Variants in SPIRE1 observed in about 807,000 individuals in gnomAD.
SPIRE1 encodes spire type actin nucleation factor 1.
SPIRE1 carries 40 observed loss-of-function variants against 94.1 expected under a neutral mutation model. That is an observed-to-expected ratio of 0.43 (90% CI 0.33 to 0.55). SPIRE1 has a LOEUF of 0.55. SPIRE1 is among the 20% of genes least tolerant of loss of function. The pLI is 0.06. For synonymous variants in SPIRE1, 376 were observed against 371.7 expected, an observed-to-expected ratio of 1.01 and a Z score of -0.13; for missense variants, 838 against 975.2, an observed-to-expected ratio of 0.86 and a Z score of 1.87.
intron 2 of SPIRE1, among the ~76,000 whole-genome samples, chr18:12,607,452 C>G (rs2037011288): frequency 1.3e-5 from 2 of 152,156 alleles, no homozygotes; most frequent in South Asian, 4.1e-4. Context: ...TCTATGCCTC[C>G]CTTGCCCTTC....
chr18:12,605,942 C>T (rs1184218705), intron 2 of SPIRE1, among the ~76,000 whole-genome samples: 2 of 152,130 alleles, frequency 1.3e-5, no homozygotes, highest in African/African-American at 4.8e-5. Context: ...CCTTCATGTT[C>T]TTGGTCCACC....
intron 12 of SPIRE1, among the ~76,000 whole-genome samples, chr18:12,456,310 A>G (rs2031504343): frequency 6.6e-6 from 1 of 152,154 alleles, no homozygotes; most frequent in South Asian, 2.1e-4. Context: ...GGAACAATAA[A>G]CGGCCTTTTT....
intron 2 of SPIRE1, among the ~76,000 whole-genome samples, chr18:12,580,426 C>T (rs888876041): frequency 6.6e-6 from 1 of 151,916 alleles, no homozygotes; most frequent in African/African-American, 2.4e-5. Flanking sequence ...CAGGTTCAAG[C>T]GATTCTCCTG....
In SPIRE1 at chr18:12,657,981, C is replaced by T. The variant is rs925200554; in HGVS notation, c.-115G>A. On this transcript the variant is annotated 5_prime_UTR_variant, in exon 1 of 17. Coordinates refer to ENST00000409402, the MANE Select transcript of SPIRE1 (RefSeq NM_001128626.2). ...CATCCCCGGAACCGCCGCCGCCCAA[C>T]GCGGCCGCGCGCGCCGCCGCCGGGA... 3 of 992,340 alleles carry T rather than the reference C, an allele frequency of 3.0e-6. No homozygotes were observed. Among genetic ancestry groups the T allele is most frequent in the South Asian group, 4.6e-5 (1 of 21,642 alleles). 61.5% of individuals were successfully genotyped at this position (992,340 alleles called of 1,614,324 possible). A position where few individuals can be genotyped will look rare whatever the true frequency, so the allele number is the denominator to read the frequency against.
At chr18:12,609,380 A>G in intron 2 of SPIRE1, among the ~76,000 whole-genome samples, 1 of 152,232 alleles carries the variant, frequency 6.6e-6, no homozygotes, top group East Asian at 1.9e-4. Context: ...GAAACCTCTG[A>G]TAGCCTGAAA....
chr18:12,624,415 T>A (rs1433179656), intron 2 of SPIRE1, among the ~76,000 whole-genome samples: 1 of 148,492 alleles, frequency 6.7e-6, no homozygotes, highest in Non-Finnish European at 1.5e-5. Context: ...TGGTGGCGTG[T>A]GCCTGTAGTC....
At chr18:12,631,773 T>C (rs1028705662) in intron 2 of SPIRE1, among the ~76,000 whole-genome samples, 1 of 151,846 alleles carries the variant, frequency 6.6e-6, no homozygotes, top group African/African-American at 2.4e-5. Flanking sequence ...GCTGAGGTAG[T>C]AGAATCGCTT....
At chr18:12,464,758 A>C in intron 11 of SPIRE1, 110 bp downstream of exon 11, 18 of 790,474 alleles carry the variant, frequency 2.3e-5, no homozygotes, top group Non-Finnish European at 2.9e-5. Context: ...TGCCTGAGTT[A>C]GTTCTTTCTA....
intron 6 of SPIRE1, among the ~76,000 whole-genome samples, chr18:12,502,792 C>G (rs568562018): frequency 6.6e-6 from 1 of 152,044 alleles, no homozygotes; most frequent in Admixed American, 6.6e-5. Flanking sequence ...GTACACAAGC[C>G]ACGGCACACA....
At chr18:12,489,007 A>C (rs2033138976) in intron 8 of SPIRE1, among the ~76,000 whole-genome samples, 1 of 151,274 alleles carries the variant, frequency 6.6e-6, no homozygotes, top group African/African-American at 2.4e-5. Context: ...AACATGGTGA[A>C]ACCCCGTCTC....
intron 1 of SPIRE1, among the ~76,000 whole-genome samples, chr18:12,649,641 A>G (rs1460579716): frequency 6.6e-6 from 1 of 152,210 alleles, no homozygotes; most frequent in African/African-American, 2.4e-5. Flanking sequence ...CCTTCCATAT[A>G]TAACAAGCAG....
chr18:12,534,675 T>C (rs181082573), intron 4 of SPIRE1, among the ~76,000 whole-genome samples: 1 of 152,324 alleles, frequency 6.6e-6, no homozygotes, highest in East Asian at 1.9e-4. Context: ...GCTGTGCTGC[T>C]GGAATAACAG....
At chr18:12,574,819 A>T (rs1398489506) in intron 2 of SPIRE1, among the ~76,000 whole-genome samples, 1 of 152,224 alleles carries the variant, frequency 6.6e-6, no homozygotes, top group Non-Finnish European at 1.5e-5. Flanking sequence ...AAAGGGAGAA[A>T]AGGATGAAAT....
intron 12 of SPIRE1, among the ~76,000 whole-genome samples, chr18:12,461,052 T>C (rs2031774675): frequency 6.6e-6 from 1 of 152,132 alleles, no homozygotes; most frequent in Admixed American, 6.5e-5. Context: ...TGATTGCAAG[T>C]TAGTTTATCT....
At chr18:12,524,606 G>A (rs1181213676) in intron 4 of SPIRE1, among the ~76,000 whole-genome samples, 3 of 152,132 alleles carry the variant, frequency 2.0e-5, no homozygotes, top group South Asian at 4.1e-4. Context: ...TAACATTTAA[G>A]TTTTTCACAG....
chr18:12,447,470 A>G lies in SPIRE1; in HGVS notation c.*2168T>C, dbSNP rs1480974114. On this transcript the variant is annotated 3_prime_UTR_variant, in exon 17 of 17. Coordinates refer to ENST00000409402, the MANE Select transcript of SPIRE1 (RefSeq NM_001128626.2). ...TTAAATGTAAGACTTTGTTTTGGCA[A>G]CAAAAAATGATAGTAATTTGATTTC... is the stretch of plus-strand genomic sequence containing the variant. 6.6e-6 allele frequency: 1 copy of G among 152,256 alleles called. No individual in the cohort carries two copies. Among genetic ancestry groups the G allele is most frequent in the Non-Finnish European group, 1.5e-5 (1 of 68,080 alleles). The allele number at this position is 152,256 out of a possible 1,614,324, so 9.4% of individuals were successfully genotyped here. A position where few individuals can be genotyped will look rare whatever the true frequency, so the allele number is the denominator to read the frequency against.
chr18:12,657,537 T>A lies in SPIRE1; in HGVS notation c.330A>T (p.Pro110=), dbSNP rs903717892. 1 of 1,232,364 alleles carries A rather than the reference T, an allele frequency of 8.1e-7. No homozygotes were observed. The highest frequency in any genetic ancestry group is 1.6e-5 in the African/African-American group (1 of 63,920). The allele number at this position is 1,232,364 out of a possible 1,614,324, so 76.3% of individuals were successfully genotyped here. ...GGGGCCCGGCGGCCTCACCCGCAACTGGGGGCGGCTCTCCCGCGTCGTCGG... is the reference window on the plus strand; with the variant it reads ...GGGGCCCGGCGGCCTCACCCGCAACAGGGGGCGGCTCTCCCGCGTCGTCGG... ...PAADDAGEPP[P]VAGKLGYSQC... The change falls in exon 1 of 17, where the codon CCA becomes CCT. Residue 110 remains proline (P), a synonymous_variant. Transcript: ENST00000409402.
intron 7 of SPIRE1, among the ~76,000 whole-genome samples, chr18:12,493,895 TTTTTG>T (rs750717369): frequency 2.0e-5 from 3 of 151,588 alleles, no homozygotes; most frequent in Non-Finnish European, 2.9e-5. Flanking sequence ...TTTTTTTGTG[TTTTTG>T]TTTTGTTTTG....
chr18:12,499,510 CAA>C (rs35756331), intron 6 of SPIRE1, among the ~76,000 whole-genome samples: 12 of 140,598 alleles, frequency 8.5e-5, no homozygotes, highest in East Asian at 2.1e-4. Flanking sequence ...CCATTTCTGC[CAA>C]AAAAAAAAAA....
Sources: allele counts gnomAD v4.1 joint callset (sites outside exome capture counted in the v4.1 genomes callset), GRCh38; gene constraint gnomAD v4.1.1; transcripts MANE v1.5; gene names NCBI Gene and HGNC (gene_info 2026-07-23, HGNC 2026-07-21).